The following SNRNP25 variants were observed in gnomAD, a reference collection of about 807,000 sequenced individuals.
SNRNP25 encodes small nuclear ribonucleoprotein U11/U12 subunit 25, also known as U11/U12 small nuclear ribonucleoprotein 25 kDa protein.
Under a neutral mutation model 23.9 loss-of-function variants are expected in SNRNP25, and 21 were observed. That is an observed-to-expected ratio of 0.88 (90% CI 0.62 to 1.27). The LOEUF (loss-of-function observed/expected upper bound fraction) is 1.27, where lower values mean the gene tolerates loss of function less well. Among genes scored for constraint, SNRNP25 ranks in the 50% most tolerant of loss-of-function variants. SNRNP25 has a pLI of 0.00. For missense variants in SNRNP25, 160 were observed against 156.9 expected (o/e 1.02, Z -0.11); for synonymous variants, 63 against 60.4 (o/e 1.04, Z -0.20).
intron 3 of SNRNP25, 119 bp downstream of exon 3, chr16:56,001 AAGTGATGAGCTCCCTGTCACAAG>A (rs1002465878): frequency 8.6e-5 from 76 of 880,156 alleles, no homozygotes; most frequent in South Asian, 5.0e-4. Flanking sequence ...AGCACCACTG[AAGTGATGAGCTCCCTGTCACAAG>A]AGTGATGAGC....
rs1459990617 is a variant in SNRNP25, at chr16:57,556, T to TGGC, written c.*415_*417dup. 5.0e-6 allele frequency: 1 copy of TGGC among 199,564 alleles called. No homozygotes were observed. Among genetic ancestry groups the TGGC allele is most frequent in the African/African-American group, 2.3e-5 (1 of 43,702 alleles). The allele number at this position is 199,564 out of a possible 1,614,324, so 12.4% of individuals were successfully genotyped here. On this transcript the variant is annotated 3_prime_UTR_variant, in exon 5 of 5. Coordinates refer to ENST00000293861, the MANE Select transcript of SNRNP25 (RefSeq NM_024571.4). ...TACAGGCGAGTCCTATAGTCCAAGA[T>TGGC]GGCGCCACACCACCAAAGCCTTGAG... is the stretch of plus-strand genomic sequence containing the variant.
At position 57,229 on chromosome 16, in the gene SNRNP25, C is replaced by G. The variant is rs994733001; in HGVS notation, c.*86C>G. The G allele has an allele frequency of 1.4e-6, 2 of 1,432,622 alleles. No individual in the cohort carries two copies. The highest frequency in any genetic ancestry group is 2.8e-5 in the African/African-American group (2 of 70,646). The allele number at this position is 1,432,622 out of a possible 1,614,324, so 88.7% of individuals were successfully genotyped here. ...GGTCCTCGAATCATCGTGCCTCTTT[C>G]ACAGAAAGGACGTTGTGGTGGCCTC... On this transcript the variant is annotated 3_prime_UTR_variant, in exon 5 of 5. Transcript: ENST00000293861.
Position 54,075 on chromosome 16 carries a change from G to A in SNRNP25, c.42+17G>A, listed in dbSNP as rs570071026. 2.0e-5 allele frequency: 32 copies of A among 1,594,232 alleles called. No individual in the cohort carries two copies. The highest frequency in any genetic ancestry group is 1.7e-4 in the Middle Eastern group (1 of 5,904). On this transcript the variant is annotated intron_variant, in intron 1 of 4. Coordinates refer to ENST00000293861, the MANE Select transcript of SNRNP25 (RefSeq NM_024571.4). ...CCGATCCAGGTGTGTGCGGGCGGGGGCTGGGGGCGCGGGAGTCGTTCCCCG... is the reference window on the plus strand; with the variant it reads ...CCGATCCAGGTGTGTGCGGGCGGGGACTGGGGGCGCGGGAGTCGTTCCCCG...
In SNRNP25 at chr16:54,061, G is replaced by A. The variant is rs761229980; in HGVS notation, c.42+3G>A. Reference sequence around the variant, plus strand: ...TGCTCTGCGATCTGCCGATCCAGGTGTGTGCGGGCGGGGGCTGGGGGCGCG... The same window carrying A: ...TGCTCTGCGATCTGCCGATCCAGGTATGTGCGGGCGGGGGCTGGGGGCGCG... On this transcript the variant is annotated splice_donor_region_variant and intron_variant, in intron 1 of 4. Transcript: ENST00000293861. The A allele has an allele frequency of 5.0e-6, 8 of 1,602,880 alleles. No homozygotes were observed. Among genetic ancestry groups the A allele is most frequent in the Non-Finnish European group, 6.8e-6 (8 of 1,177,818 alleles).
rs1897421338 is a variant in SNRNP25 at position 57,034 on chromosome 16, C to T, written c.315-52C>T. The T allele has an allele frequency of 2.4e-5, 38 of 1,599,946 alleles. 1 individual carries two copies. The South Asian group carries it at 3.7e-4, about 16-fold the overall frequency. On this transcript the variant is annotated intron_variant, in intron 4 of 4. Coordinates refer to ENST00000293861, the MANE Select transcript of SNRNP25 (RefSeq NM_024571.4). The stretch of plus-strand genomic sequence containing the variant: ...CTCCACAGCCTCAGGAGGGGAGTCA[C>T]AGATATGTCCTTCTGTAGGGCAGGT...
intron 3 of SNRNP25, chr16:56,152 G>A (rs546198425): frequency 1.8e-5 from 11 of 620,762 alleles, no homozygotes; most frequent in Non-Finnish European, 2.7e-5. Context: ...CTTCACTTGG[G>A]GACACTGTCG....
intron 4 of SNRNP25, 90 bp from the exon 5 acceptor site, chr16:56,996 T>C (rs1296157856): frequency 6.9e-7 from 1 of 1,450,780 alleles, no homozygotes; most frequent in African/African-American, 1.4e-5. Context: ...CCCTCTGTTG[T>C]TTCTTCGTGG....
Position 53,889 on chromosome 16 carries a change from G to T in SNRNP25, c.-128G>T. 6.7e-7 allele frequency: 1 copy of T among 1,501,764 alleles called. No individual in the cohort carries two copies. The allele number at this position is 1,501,764 out of a possible 1,614,324, so 93.0% of individuals were successfully genotyped here. On this transcript the variant is annotated 5_prime_UTR_variant, in exon 1 of 5. Transcript: ENST00000293861. ...CGGGCTGGCAGTGCGGGCAGAGCCC[G>T]GCTGAGAGGGGCGGCCCTGGAGGAG...
In SNRNP25 at chr16:57,368, C is replaced by A; in HGVS notation, c.*225C>A. Reference sequence around the variant, plus strand: ...GTACTTGGCCTGAGACTGACCTCTCCCTAGGTCCAAATGCCCTAGTCACAT... The same window carrying A: ...GTACTTGGCCTGAGACTGACCTCTCACTAGGTCCAAATGCCCTAGTCACAT... On this transcript the variant is annotated 3_prime_UTR_variant, in exon 5 of 5. Coordinates refer to ENST00000293861, the MANE Select transcript of SNRNP25 (RefSeq NM_024571.4). 1.7e-6 allele frequency: 1 copy of A among 586,534 alleles called. No individual in the cohort carries two copies. Among genetic ancestry groups the A allele is most frequent in the Non-Finnish European group, 3.0e-6 (1 of 328,256 alleles). The allele number at this position is 586,534 out of a possible 1,614,324, so 36.3% of individuals were successfully genotyped here. A position where few individuals can be genotyped will look rare whatever the true frequency, so the allele number is the denominator to read the frequency against.
Position 56,519 on chromosome 16 carries a change from C to G in SNRNP25, c.240-20C>G. On this transcript the variant is annotated intron_variant, in intron 3 of 4. Coordinates refer to ENST00000293861, the MANE Select transcript of SNRNP25 (RefSeq NM_024571.4). ...CACCCTGCTCAGGGCACGTGGTTTA[C>G]CTGCATTCCCCTCTTGCAGGTCCTA... 4 of 1,613,720 alleles carry G rather than the reference C, an allele frequency of 2.5e-6. No individual in the cohort carries two copies. The highest frequency in any genetic ancestry group is 3.4e-6 in the Non-Finnish European group (4 of 1,179,808).
At chr16:54,198 T>C in intron 1 of SNRNP25, 140 bp downstream of exon 1, 4 of 993,412 alleles carry the variant, frequency 4.0e-6, no homozygotes, top group South Asian at 1.5e-5. Flanking sequence ...ACGAGGGTTT[T>C]AACCTTGACC....
At chr16:54,115 G>A (rs931134938) in intron 1 of SNRNP25, 57 bp downstream of exon 1, 5 of 1,549,898 alleles carry the variant, frequency 3.2e-6, no homozygotes, top group Non-Finnish European at 4.3e-6. Context: ...CCGGGCATCC[G>A]GGCGCCGGCA....
At chr16:56,299 A>G (rs2141838115) in intron 3 of SNRNP25, 1 of 707,732 alleles carries the variant, frequency 1.4e-6, no homozygotes. Flanking sequence ...CTGAGTCTCA[A>G]CACTGTCGCC....
At position 55,830 on chromosome 16, in the gene SNRNP25, A is replaced by G. The variant is rs1236628658; in HGVS notation, c.187A>G (p.Arg63Gly). The G allele has an allele frequency of 6.2e-7, 1 of 1,614,056 alleles. No homozygotes were observed. The highest frequency in any genetic ancestry group is 8.5e-7 in the Non-Finnish European group (1 of 1,180,030). The change falls in exon 3 of 5, where the codon AGA becomes GGA. Residue 63 changes from arginine to glycine, a missense_variant. By Grantham distance (125) the Arg-to-Gly change is moderately radical. Coordinates refer to ENST00000293861, the MANE Select transcript of SNRNP25 (RefSeq NM_024571.4). ...CCTGGACCTGAAGAAGGCCATCCAG[A>G]GATACGTGCAGCTCAAGCAGGAGCG... ...TVLDLKKAIQ[R>G]YVQLKQEREG...
chr16:56,988 C>G (rs890439940), intron 4 of SNRNP25, 98 bp from the exon 5 acceptor site: 1 of 1,374,652 alleles, frequency 7.3e-7, no homozygotes, highest in African/African-American at 1.4e-5. Flanking sequence ...CACGCCTCCC[C>G]TCTGTTGTTT....
chr16:54,103 GTCC>G, intron 1 of SNRNP25, 45 bp downstream of exon 1: 1 of 1,568,600 alleles, frequency 6.4e-7, no homozygotes. Flanking sequence ...GTTCCCCGGG[GTCC>G]GGGCATCCGG....
intron 4 of SNRNP25, 92 bp from the exon 5 acceptor site, chr16:56,994 T>C (rs1322247101): frequency 7.0e-7 from 1 of 1,420,592 alleles, no homozygotes; most frequent in Non-Finnish European, 9.9e-7. Context: ...TCCCCTCTGT[T>C]GTTTCTTCGT....
intron 3 of SNRNP25, 173 bp from the exon 4 acceptor site, chr16:56,366 G>A (rs1897407801): frequency 1.4e-6 from 1 of 736,094 alleles, no homozygotes; most frequent in Non-Finnish European, 2.5e-6. Context: ...TCTGAGAACA[G>A]AGCCTCCTTG....
At chr16:55,624 G>T in intron 2 of SNRNP25, 75 bp downstream of exon 2, 1 of 1,579,582 alleles carries the variant, frequency 6.3e-7, no homozygotes, top group Non-Finnish European at 8.7e-7. Context: ...GTGCTGGTCA[G>T]CCTGCTCAGA....
Sources: gnomAD v4.1 joint callset for allele counts on GRCh38, gnomAD v4.1.1 for gene constraint, MANE v1.5 for transcripts, NCBI Gene and HGNC (gene_info 2026-07-23, HGNC 2026-07-21) for gene names.